The following TYMP variants were observed in gnomAD, a reference collection of about 807,000 sequenced individuals.
TYMP encodes the protein thymidine phosphorylase.
TYMP carries 46 observed loss-of-function variants against 42.3 expected under a neutral mutation model. That is an observed-to-expected ratio of 1.09 (90% CI 0.86 to 1.39). The LOEUF (loss-of-function observed/expected upper bound fraction) is 1.39. Ranked by LOEUF, TYMP falls within the 40% of genes most tolerant of loss-of-function variation. The probability of loss-of-function intolerance (pLI) is 0.00; values close to 1 mark genes in which losing one functional copy is unlikely to be tolerated. For synonymous variants in TYMP, 363 were observed against 308.0 expected, an observed-to-expected ratio of 1.18 and a Z score of -1.87; for missense variants, 837 against 677.6, an observed-to-expected ratio of 1.24 and a Z score of -2.61.
intron 5 of TYMP, 76 bp downstream of exon 5, chr22:50,527,512 A>G (rs1003394781): frequency 3.1e-6 from 5 of 1,609,794 alleles, no homozygotes; most frequent in Non-Finnish European, 4.2e-6. Context: ...GGTAACTCCT[A>G]ACGAGAGGCC....
chr22:50,525,904 G>A lies in TYMP; in HGVS notation c.1315C>T (p.Arg439Cys). ...QRLRRGTPWL[R>C]VHRDGPALSG... ...AGCGCGGGGCCGTCCCGGTGCACGC[G>A]GAGCCAGGGGGTCCCTGCAGAGCGA... The change falls in exon 10 of 10, where the codon CGC becomes TGC. Residue 439 changes from arginine (R) to cysteine (C), a missense_variant. Arg to Cys is a radical substitution (Grantham distance 180). Transcript: ENST00000252029. 2 of 1,546,906 alleles carry A rather than the reference G, an allele frequency of 1.3e-6. No homozygotes were observed. The highest frequency in any genetic ancestry group is 1.7e-6 in the Non-Finnish European group (2 of 1,148,694).
chr22:50,530,044 G>A, upstream of TYMP: 1 of 332,422 alleles, frequency 3.0e-6, no homozygotes, highest in East Asian at 4.9e-5. Context: ...CCCCAGGACG[G>A]CAGGCGGGTG....
intron 4 of TYMP, chr22:50,527,947 TTC>T: frequency 5.3e-6 from 3 of 562,794 alleles, no homozygotes; most frequent in Admixed American, 3.3e-5. Flanking sequence ...GCTTTTTTTT[TTC>T]TTCTTTTTTT....
In TYMP at chr22:50,529,782, G is replaced by A. The variant is rs995567589; in HGVS notation, c.-10-63C>T. On this transcript the variant is annotated intron_variant, in intron 1 of 9. Coordinates refer to ENST00000252029, the MANE Select transcript of TYMP (RefSeq NM_001953.5). ...CCCGGCGTCGGTGTCTGAGCCACGT[G>A]CTCCTGTCCCGACCCCTTTCCCGTG... 2.1e-6 allele frequency: 3 copies of A among 1,420,690 alleles called. No individual in the cohort carries two copies. In the South Asian group the frequency reaches 3.8e-5, roughly 18 times the overall value. 88.0% of individuals were successfully genotyped at this position (1,420,690 alleles called of 1,614,324 possible).
chr22:50,526,818 T>C lies in TYMP; in HGVS notation c.766-80A>G, dbSNP rs1325425761. ...TTCTTGGTCGAACTCCAGCCCCTGC[T>C]GCACCCTGGGTTGCCAGCCCCCCAG... On this transcript the variant is annotated intron_variant, in intron 6 of 9. Coordinates refer to ENST00000252029, the MANE Select transcript of TYMP (RefSeq NM_001953.5). 2.8e-6 allele frequency: 4 copies of C among 1,445,700 alleles called. No homozygotes were observed. The Admixed American group carries it at 8.4e-5, about 30-fold the overall frequency. The allele number at this position is 1,445,700 out of a possible 1,614,324, so 89.6% of individuals were successfully genotyped here.
rs557224223 is a variant in TYMP at position 50,526,787 on chromosome 22, A to G, written c.766-49T>C. 2.6e-6 allele frequency: 4 copies of G among 1,523,610 alleles called. No homozygotes were observed. In the Admixed American group the frequency reaches 7.9e-5, roughly 30 times the overall value. 94.4% of individuals were successfully genotyped at this position (1,523,610 alleles called of 1,614,324 possible). A position where few individuals can be genotyped will look rare whatever the true frequency, so the allele number is the denominator to read the frequency against. Reference sequence around the variant, plus strand: ...GACCCCCCATGGCGGGGCCTTCTGCAGCCGGTTCTTGGTCGAACTCCAGCC... The same window carrying G: ...GACCCCCCATGGCGGGGCCTTCTGCGGCCGGTTCTTGGTCGAACTCCAGCC... On this transcript the variant is annotated intron_variant, in intron 6 of 9. Coordinates refer to ENST00000252029, the MANE Select transcript of TYMP (RefSeq NM_001953.5).
chr22:50,528,608 C>T lies in TYMP; in HGVS notation c.420G>A (p.Val140=). The part of the protein sequence containing the change: ...APALAACGCK[V]PMISGRGLGH... ...CCAGACCACGTCCGCTGATCATTGG[C>T]ACCTGGTGGTCAGGGATGCTGAGTA... The change falls in exon 4 of 10, where the codon GTG becomes GTA. Residue 140 remains valine (V), a splice_region_variant and synonymous_variant. Transcript: ENST00000252029. 1 of 1,613,108 alleles carries T rather than the reference C, an allele frequency of 6.2e-7. No homozygotes were observed.
Position 50,526,563 on chromosome 22 carries a change from C to T in TYMP, c.928+13G>A. 1 of 1,563,624 alleles carries T rather than the reference C, an allele frequency of 6.4e-7. No homozygotes were observed. The highest frequency in any genetic ancestry group is 8.7e-7 in the Non-Finnish European group (1 of 1,155,392). Reference sequence around the variant, plus strand: ...CCCGCCGCCTCCGCTCCCCTACACCCCGTCCCCCTCACCGAGCGTGGTGAC... The same window carrying T: ...CCCGCCGCCTCCGCTCCCCTACACCTCGTCCCCCTCACCGAGCGTGGTGAC... On this transcript the variant is annotated intron_variant, in intron 7 of 9. Coordinates refer to ENST00000252029, the MANE Select transcript of TYMP (RefSeq NM_001953.5).
At chr22:50,528,264 C>T in intron 4 of TYMP, 1 of 564,446 alleles carries the variant, frequency 1.8e-6, no homozygotes, top group African/African-American at 1.9e-5. Flanking sequence ...TTCGGCCTCC[C>T]CAAGTGCTAG....
At chr22:50,529,436 C>G in intron 2 of TYMP, 60 bp downstream of exon 2, 1 of 1,607,512 alleles carries the variant, frequency 6.2e-7, no homozygotes, top group Non-Finnish European at 8.5e-7. Flanking sequence ...CCCAGGGACC[C>G]AAAGTCTCTC....
In TYMP at chr22:50,529,662, AC is replaced by A; in HGVS notation, c.47del (p.Gly16ValfsTer24). On this transcript the variant is annotated frameshift_variant, in exon 2 of 10. Coordinates refer to ENST00000252029, the MANE Select transcript of TYMP (RefSeq NM_001953.5). LOFTEE classifies it high-confidence loss of function. ...CCTGGCTCCCTTCCCCGGAGAAGTC[AC>A]CAGGCGCGGGTGGGGCCCCGGTTCC... The part of the protein sequence containing the change: ...TPGTGAPPAP[G>X]DFSGEGSQGL... The A allele has an allele frequency of 6.2e-7, 1 of 1,612,298 alleles. No homozygotes were observed. Among genetic ancestry groups the A allele is most frequent in the South Asian group, 1.1e-5 (1 of 90,950 alleles).
rs1482405315 is a variant in TYMP, at chr22:50,528,590, A to C, written c.438T>G (p.Arg146=). The C allele has an allele frequency of 6.2e-7, 1 of 1,613,630 alleles. No homozygotes were observed. Among genetic ancestry groups the C allele is most frequent in the Non-Finnish European group, 8.5e-7 (1 of 1,179,956 alleles). Residue 146 remains arginine, a synonymous_variant, in exon 4 of 10, where the codon CGT becomes CGG. Coordinates refer to ENST00000252029, the MANE Select transcript of TYMP (RefSeq NM_001953.5). Reference sequence around the variant, plus strand: ...AGGTGCCTCCTGTGTGCCCCAGACCACGTCCGCTGATCATTGGCACCTGGT... The same window carrying C: ...AGGTGCCTCCTGTGTGCCCCAGACCCCGTCCGCTGATCATTGGCACCTGGT... ...CGCKVPMISG[R]GLGHTGGTLD...
Position 50,527,199 on chromosome 22 carries a change from T to C in TYMP, c.731A>G (p.Asn244Ser). ...TGCCAGCTCCCGGGCCTGCTCCTGG[T>C]TGGGGAAGACGGCGGCCCCTCCGAA... Reference protein sequence around the residue: ...VKFGGAAVFPNQEQARELAKT... With the variant: ...VKFGGAAVFPSQEQARELAKT... The change falls in exon 6 of 10, where the codon AAC becomes AGC. Residue 244 changes from asparagine to serine, a missense_variant. Transcript: ENST00000252029. 6.2e-7 allele frequency: 1 copy of C among 1,613,336 alleles called. No homozygotes were observed. Among genetic ancestry groups the C allele is most frequent in the Non-Finnish European group, 8.5e-7 (1 of 1,179,978 alleles).
chr22:50,528,170 C>T, intron 4 of TYMP: 2 of 401,576 alleles, frequency 5.0e-6, no homozygotes, highest in South Asian at 4.2e-5. Flanking sequence ...CACCACCACA[C>T]GCAGCGAACT....
rs988309653 is a variant in TYMP at position 50,529,891 on chromosome 22, G to T, written c.-11+13C>A. ...CCCGCTTCCCCGCCTCGCGACTTGA[G>T]CCCCGCCCGTACCTGCTTAGGGCGC... On this transcript the variant is annotated intron_variant, in intron 1 of 9. Coordinates refer to ENST00000252029, the MANE Select transcript of TYMP (RefSeq NM_001953.5). 5 of 644,194 alleles carry T rather than the reference G, an allele frequency of 7.8e-6. No homozygotes were observed. The highest frequency in any genetic ancestry group is 1.3e-5 in the Non-Finnish European group (5 of 375,446). The allele number at this position is 644,194 out of a possible 1,614,324, so 39.9% of individuals were successfully genotyped here.
chr22:50,526,416 A>C lies in TYMP; in HGVS notation c.989T>G (p.Val330Gly). 6.6e-7 allele frequency: 1 copy of C among 1,510,046 alleles called. No homozygotes were observed. Among genetic ancestry groups the C allele is most frequent in the Non-Finnish European group, 8.8e-7 (1 of 1,138,830 alleles). 93.5% of individuals were successfully genotyped at this position (1,510,046 alleles called of 1,614,324 possible). A position where few individuals can be genotyped will look rare whatever the true frequency, so the allele number is the denominator to read the frequency against. The stretch of plus-strand genomic sequence containing the variant: ...CGAGCCGTCGTCCAGCGCCGCGGCC[A>C]CCCGGGCAGCGCCCTGGGCCTGAGT... Reference protein sequence around the residue: ...AGTQAQGAARVAAALDDGSAL... With the variant: ...AGTQAQGAARGAAALDDGSAL... Residue 330 changes from valine (V) to glycine (G), a missense_variant, in exon 8 of 10, where the codon GTG becomes GGG. Physicochemically the swap from Val to Gly is moderately radical, Grantham distance 109. Coordinates refer to ENST00000252029, the MANE Select transcript of TYMP (RefSeq NM_001953.5).
Position 50,529,322 on chromosome 22 carries a change from G to A in TYMP, c.231C>T (p.Ala77=), listed in dbSNP as rs759383300. Residue 77 remains alanine, a synonymous_variant, in exon 3 of 10, where the codon GCC becomes GCT. Coordinates refer to ENST00000252029, the MANE Select transcript of TYMP (RefSeq NM_001953.5). The part of the protein sequence containing the change: ...QGAQIGAMLM[A]IRLRGMDLEE... ...CCAGATCCATGCCCCGAAGTCGGAT[G>A]GCCATCAGCATGGCCCCTGGTATGT... 9.3e-6 allele frequency: 15 copies of A among 1,613,362 alleles called. No homozygotes were observed. Among genetic ancestry groups the A allele is most frequent in the Non-Finnish European group, 1.3e-5 (15 of 1,179,982 alleles).
At chr22:50,527,029 G>T in intron 6 of TYMP, 136 bp downstream of exon 6, 1 of 803,188 alleles carries the variant, frequency 1.2e-6, no homozygotes, top group Non-Finnish European at 2.1e-6. Flanking sequence ...AAGGAGGGAG[G>T]GACTTCGGGC....
At position 50,529,486 on chromosome 22, in the gene TYMP, C is replaced by T. The variant is rs769941853; in HGVS notation, c.214+10G>A. 6.2e-7 allele frequency: 1 copy of T among 1,612,168 alleles called. No individual in the cohort carries two copies. Among genetic ancestry groups the T allele is most frequent in the Non-Finnish European group, 8.5e-7 (1 of 1,179,824 alleles). Reference sequence around the variant, plus strand: ...GTCGGGGTCAGGAACGCCCAACCCTCCCCACGCACCGATCTGTGCGCCCTG... The same window carrying T: ...GTCGGGGTCAGGAACGCCCAACCCTTCCCACGCACCGATCTGTGCGCCCTG... On this transcript the variant is annotated intron_variant, in intron 2 of 9. Coordinates refer to ENST00000252029, the MANE Select transcript of TYMP (RefSeq NM_001953.5).
Sources: gnomAD v4.1 joint callset for allele counts on GRCh38, gnomAD v4.1.1 for gene constraint, MANE v1.5 for transcripts, NCBI Gene and HGNC (gene_info 2026-07-23, HGNC 2026-07-21) for gene names.